MYOZ2: variants seen among roughly 807,000 people sequenced by gnomAD.
The protein encoded by MYOZ2 is myozenin-2.
A neutral mutation model predicts 25.4 loss-of-function variants in MYOZ2; 19 were observed. That is an observed-to-expected ratio of 0.75 (90% CI 0.52 to 1.10). MYOZ2 has a LOEUF of 1.10. Among genes scored for constraint, MYOZ2 ranks in the 50% least tolerant of loss-of-function variants. The pLI is 0.00. For missense variants in MYOZ2, 270 were observed against 317.9 expected (o/e 0.85, Z 1.15); for synonymous variants, 92 against 106.9 (o/e 0.86, Z 0.86).
In MYOZ2 at chr4:119,156,635, TAAAAAGCTATTCG is replaced by T. The variant is rs1741583444; in HGVS notation, c.247-1386_247-1374del. 2.0e-5 allele frequency among the ~76,000 whole-genome samples: 3 copies of T among 152,336 alleles called. No homozygotes were observed. The South Asian group carries it at 6.2e-4, about 32-fold the overall frequency. On this transcript the variant is annotated intron_variant, in intron 3 of 5. Coordinates refer to ENST00000307128, the MANE Select transcript of MYOZ2 (RefSeq NM_016599.5). ...CTAATAGAGATTAAGTATTTTTGTT[TAAAAAGCTATTCG>T]TTGAAAATATATATATGTTCCTGGG...
chr4:119,136,554 A>C lies in MYOZ2; in HGVS notation c.29A>C (p.Gln10Pro), dbSNP rs76757102. The change falls in exon 2 of 6, where the codon CAG becomes CCG. Residue 10 changes from glutamine to proline, a missense_variant. Transcript: ENST00000307128. MLSHNTMMKQRKQQATAIMK... is the reference protein window; with the variant it reads MLSHNTMMKPRKQQATAIMK... ...CTATCACATAATACTATGATGAAGCAGAGAAAACAGCAAGCAACAGCCATC... is the reference window on the plus strand; with the variant it reads ...CTATCACATAATACTATGATGAAGCCGAGAAAACAGCAAGCAACAGCCATC... 1.1e-3 allele frequency: 1,730 copies of C among 1,613,748 alleles called. 34 individuals carry two copies. The East Asian group carries it at 0.033, about 31-fold the overall frequency.
Position 119,157,128 on chromosome 4 carries a change from CAA to C in MYOZ2, c.247-891_247-890del, listed in dbSNP as rs148689336. On this transcript the variant is annotated intron_variant, in intron 3 of 5. Transcript: ENST00000307128. ...TGAAAGATTTTCTGTATGTCACACA[CAA>C]AAGAGTCAAAATCAGTGTCTAATTG... Among the ~76,000 whole-genome samples, 1,418 of 152,228 alleles carry C rather than the reference CAA, an allele frequency of 9.3e-3. 7 individuals are homozygous for C. Among genetic ancestry groups the C allele is most frequent in the Middle Eastern group, 0.024 (7 of 294 alleles).
At chr4:119,166,025 CTG>C (rs748114286) in intron 5 of MYOZ2, among the ~76,000 whole-genome samples, 1 of 150,168 alleles carries the variant, frequency 6.7e-6, no homozygotes, top group Admixed American at 6.6e-5. Context: ...ATATTACATG[CTG>C]TGTGTGTGTG....
intron 5 of MYOZ2, among the ~76,000 whole-genome samples, chr4:119,180,005 G>C (rs1389948749): frequency 6.6e-6 from 1 of 152,168 alleles, no homozygotes; most frequent in African/African-American, 2.4e-5. Flanking sequence ...TCAGATCATA[G>C]CAAAATCTGA....
chr4:119,184,030 G>A (rs758961565), intron 5 of MYOZ2, among the ~76,000 whole-genome samples: 3 of 152,010 alleles, frequency 2.0e-5, no homozygotes, highest in African/African-American at 4.8e-5. Context: ...GGTCAGGCTG[G>A]TCTCGAACTC....
chr4:119,167,298 C>T (rs1171240649), intron 5 of MYOZ2, among the ~76,000 whole-genome samples: 2 of 152,208 alleles, frequency 1.3e-5, no homozygotes, highest in Admixed American at 6.5e-5. Context: ...CCAGGAACAA[C>T]ATTTCCATAA....
rs1465097117 is a variant in MYOZ2, at chr4:119,164,163, T to TA, written c.377-46dup. 2.6e-6 allele frequency: 4 copies of TA among 1,547,134 alleles called. No individual in the cohort carries two copies. The East Asian group carries it at 9.0e-5, about 35-fold the overall frequency. Reference sequence around the variant, plus strand: ...TGGTAAAATGTTAGGTGGAGGTTAGTAACTCTCGGGCACAGTATTTACTTA... The same window carrying TA: ...TGGTAAAATGTTAGGTGGAGGTTAGTAAACTCTCGGGCACAGTATTTACTTA... On this transcript the variant is annotated intron_variant, in intron 4 of 5. Coordinates refer to ENST00000307128, the MANE Select transcript of MYOZ2 (RefSeq NM_016599.5).
chr4:119,158,661 G>C (rs1741640368), intron 4 of MYOZ2, among the ~76,000 whole-genome samples: 1 of 152,064 alleles, frequency 6.6e-6, no homozygotes, highest in Non-Finnish European at 1.5e-5. Context: ...TGTTTTAGAT[G>C]GTCTGTTAAT....
chr4:119,177,075 T>A (rs1168483515), intron 5 of MYOZ2, among the ~76,000 whole-genome samples: 1 of 152,064 alleles, frequency 6.6e-6, no homozygotes, highest in East Asian at 1.9e-4. Context: ...AAAAACAAAG[T>A]TTATTCTTTA....
chr4:119,163,947 A>G (rs1561121258), intron 4 of MYOZ2, among the ~76,000 whole-genome samples: 1 of 152,240 alleles, frequency 6.6e-6, no homozygotes, highest in Non-Finnish European at 1.5e-5. Flanking sequence ...GGAAAAATAT[A>G]TATACTAAGA....
chr4:119,167,368 G>C (rs1415143603), intron 5 of MYOZ2, among the ~76,000 whole-genome samples: 1 of 152,218 alleles, frequency 6.6e-6, no homozygotes, highest in Non-Finnish European at 1.5e-5. Context: ...TGAAGGCTTA[G>C]AGAGAGGCAA....
At chr4:119,168,475 A>G (rs1476600741) in intron 5 of MYOZ2, among the ~76,000 whole-genome samples, 1 of 152,256 alleles carries the variant, frequency 6.6e-6, no homozygotes, top group East Asian at 1.9e-4. Flanking sequence ...CATGAAGATT[A>G]TTTGTGATTC....
At chr4:119,177,776 G>T (rs866314204) in intron 5 of MYOZ2, among the ~76,000 whole-genome samples, 2 of 151,972 alleles carry the variant, frequency 1.3e-5, no homozygotes, top group Non-Finnish European at 2.9e-5. Flanking sequence ...CCACTCTAGG[G>T]TTATCCTGCA....
chr4:119,177,137 C>G (rs1742091769), intron 5 of MYOZ2, among the ~76,000 whole-genome samples: 1 of 152,190 alleles, frequency 6.6e-6, no homozygotes, highest in African/African-American at 2.4e-5. Context: ...TTTTTAAAGT[C>G]CATCAATCCC....
At chr4:119,162,972 A>G (rs755823100) in intron 4 of MYOZ2, among the ~76,000 whole-genome samples, 3 of 152,214 alleles carry the variant, frequency 2.0e-5, no homozygotes, top group Non-Finnish European at 4.4e-5. Flanking sequence ...AATTCAGTAG[A>G]GGGCTTGATT....
intron 3 of MYOZ2, 93 bp from the exon 4 acceptor site, chr4:119,157,929 A>G: frequency 6.8e-7 from 1 of 1,460,184 alleles, no homozygotes; most frequent in Admixed American, 1.7e-5. Context: ...CATTTAAATT[A>G]TAAATATACA....
chr4:119,141,316 T>C (rs1319604286), intron 2 of MYOZ2, among the ~76,000 whole-genome samples: 1 of 152,246 alleles, frequency 6.6e-6, no homozygotes, highest in Non-Finnish European at 1.5e-5. Context: ...TTAACTCATC[T>C]AACTGAAGTT....
chr4:119,185,328 T>C (rs77541161), intron 5 of MYOZ2, among the ~76,000 whole-genome samples: 1 of 152,068 alleles, frequency 6.6e-6, no homozygotes, highest in Non-Finnish European at 1.5e-5. Context: ...CTTTTTTTTT[T>C]CTTTTTAGAC....
intron 3 of MYOZ2, among the ~76,000 whole-genome samples, chr4:119,156,940 A>T (rs529059694): frequency 1.3e-5 from 2 of 152,332 alleles, no homozygotes; most frequent in South Asian, 4.1e-4. Flanking sequence ...TCATAATTTT[A>T]TTAAGTGAGG....
Sources: allele counts gnomAD v4.1 joint callset (sites outside exome capture counted in the v4.1 genomes callset), GRCh38; gene constraint gnomAD v4.1.1; transcripts MANE v1.5; gene names NCBI Gene and HGNC (gene_info 2026-07-23, HGNC 2026-07-21).